The following SAMD5 variants were observed in gnomAD, a reference collection of about 807,000 sequenced individuals.
SAMD5 encodes the protein sterile alpha motif domain-containing protein 5.
In SAMD5, 13 loss-of-function variants were observed where a neutral mutation model predicts 11.3. That is an observed-to-expected ratio of 1.15 (90% CI 0.75 to 1.83). The LOEUF (loss-of-function observed/expected upper bound fraction) is 1.83, where lower values mean the gene tolerates loss of function less well. Ranked by LOEUF, SAMD5 falls within the 40% of genes most tolerant of loss-of-function variation. The pLI is 0.00. For missense variants in SAMD5, 255 were observed against 239.1 expected (o/e 1.07, Z -0.44); for synonymous variants, 129 against 111.3 (o/e 1.16, Z -1.00).
At chr6:147,892,415 A>G in the SAMD5 span, among the ~76,000 whole-genome samples, 5 of 152,334 alleles carry the variant, frequency 3.3e-5, no homozygotes, top group African/African-American at 7.2e-5. Flanking sequence ...TGCATTGCAA[A>G]TGAATTACCA....
the SAMD5 span, among the ~76,000 whole-genome samples, chr6:147,884,994 G>A: frequency 3.9e-5 from 6 of 152,156 alleles, no homozygotes; most frequent in African/African-American, 1.4e-4. Context: ...AACCAGGATA[G>A]CATCCTTAAG....
chr6:147,602,914 T>G (rs77179402), intron 1 of SAMD5, among the ~76,000 whole-genome samples: 1 of 152,136 alleles, frequency 6.6e-6, no homozygotes, highest in South Asian at 2.1e-4. Context: ...GGCTGAGGGA[T>G]GCTGAAAGCA....
the SAMD5 span, among the ~76,000 whole-genome samples, chr6:147,940,604 T>C: frequency 6.6e-6 from 1 of 152,338 alleles, no homozygotes; most frequent in South Asian, 2.1e-4. Flanking sequence ...TATCATGTAT[T>C]CTGCTTTACC....
chr6:147,668,183 T>A (rs1421357348), intron 1 of SAMD5, among the ~76,000 whole-genome samples: 1 of 152,226 alleles, frequency 6.6e-6, no homozygotes, highest in Non-Finnish European at 1.5e-5. Context: ...AAACATTCTA[T>A]GTATATTTTT....
the SAMD5 span, among the ~76,000 whole-genome samples, chr6:147,912,421 T>C: frequency 6.6e-6 from 1 of 152,306 alleles, no homozygotes; most frequent in Admixed American, 6.5e-5. Context: ...CAGTTCCTGA[T>C]TGTCTGCTTT....
chr6:147,733,861 A>T (rs1395372931), intron 1 of SAMD5: 1 of 344,830 alleles, frequency 2.9e-6, no homozygotes, highest in African/African-American at 2.2e-5. Flanking sequence ...CTGTCCCTGC[A>T]GCTGGAAAAG....
the SAMD5 span, among the ~76,000 whole-genome samples, chr6:147,856,047 A>G: frequency 1.2e-4 from 19 of 152,348 alleles, no homozygotes; most frequent in Non-Finnish European, 2.8e-4. Flanking sequence ...AGAGATGAAT[A>G]CATGAGTAAA....
chr6:147,815,341 A>G, the SAMD5 span, among the ~76,000 whole-genome samples: 1 of 152,230 alleles, frequency 6.6e-6, no homozygotes. Context: ...CAATGGGAAT[A>G]GGAAAATACA....
At chr6:147,763,707 T>C in the SAMD5 span, among the ~76,000 whole-genome samples, 2 of 151,926 alleles carry the variant, frequency 1.3e-5, no homozygotes, top group South Asian at 2.1e-4. Flanking sequence ...CTCAGCCTCC[T>C]GAGTAGCTGG....
intron 1 of SAMD5, chr6:147,660,881 G>A (rs1260571616): frequency 1.3e-5 from 2 of 152,246 alleles, no homozygotes; most frequent in African/African-American, 2.4e-5. Flanking sequence ...CTATATAGCA[G>A]TGCAAGAACC....
At chr6:147,869,366 T>C in the SAMD5 span, among the ~76,000 whole-genome samples, 2 of 152,176 alleles carry the variant, frequency 1.3e-5, no homozygotes, top group Admixed American at 1.3e-4. Flanking sequence ...TTTCTTCAAA[T>C]GGGCATAGAT....
intron 1 of SAMD5, among the ~76,000 whole-genome samples, chr6:147,718,892 T>C (rs1441392147): frequency 2.6e-5 from 4 of 152,190 alleles, no homozygotes; most frequent in African/African-American, 7.2e-5. Flanking sequence ...GGTTTCACCA[T>C]GTTGGTCAGG....
downstream of SAMD5, among the ~76,000 whole-genome samples, chr6:147,573,389 G>A (rs1440809119): frequency 6.6e-6 from 1 of 152,168 alleles, no homozygotes; most frequent in Non-Finnish European, 1.5e-5. Flanking sequence ...CAGAGGAAAT[G>A]CCAGATGCTT....
At chr6:147,828,103 C>A in the SAMD5 span, among the ~76,000 whole-genome samples, 1 of 152,072 alleles carries the variant, frequency 6.6e-6, no homozygotes, top group African/African-American at 2.4e-5. Flanking sequence ...ACATTCTATA[C>A]CCCTGTCTTT....
the SAMD5 span, among the ~76,000 whole-genome samples, chr6:147,764,601 A>G: frequency 0.048 from 7,353 of 152,226 alleles, 370 homozygotes; most frequent in African/African-American, 0.12. Context: ...AATTTACAGA[A>G]GTCATTACGT....
intron 1 of SAMD5, among the ~76,000 whole-genome samples, chr6:147,638,093 A>G (rs11155515): frequency 6.6e-6 from 1 of 151,712 alleles, no homozygotes; most frequent in Non-Finnish European, 1.5e-5. Flanking sequence ...TACCTGCTTG[A>G]CTGAGTGTTC....
chr6:147,893,423 A>G, the SAMD5 span, among the ~76,000 whole-genome samples: 1 of 152,076 alleles, frequency 6.6e-6, no homozygotes, highest in East Asian at 1.9e-4. Flanking sequence ...GCATTCCACC[A>G]CCTCTTGGTT....
chr6:147,563,183 C>G (rs1788982241), intron 1 of SAMD5, among the ~76,000 whole-genome samples: 1 of 152,114 alleles, frequency 6.6e-6, no homozygotes, highest in South Asian at 2.1e-4. Context: ...TGGTGTCACC[C>G]AAACTAATTA....
chr6:147,894,765 C>A, the SAMD5 span, among the ~76,000 whole-genome samples: 5 of 152,160 alleles, frequency 3.3e-5, no homozygotes, highest in Non-Finnish European at 7.3e-5. Context: ...CATACACGAT[C>A]TCACTTGATA....
Sources: gnomAD v4.1 joint callset for allele counts (sites outside exome capture counted in the v4.1 genomes callset) on GRCh38, gnomAD v4.1.1 for gene constraint, MANE v1.5 for transcripts, NCBI Gene and HGNC (gene_info 2026-07-23, HGNC 2026-07-21) for gene names.